NLRP11: variants seen among roughly 807,000 people sequenced by gnomAD.
NLRP11 encodes NLR family pyrin domain containing 11.
Under a neutral mutation model 79.3 loss-of-function variants are expected in NLRP11, and 53 were observed. The observed-to-expected ratio is 0.67, with a 90% CI of 0.54 to 0.84. NLRP11 has a LOEUF of 0.84. Ranked by LOEUF, NLRP11 falls within the 40% of genes least tolerant of loss-of-function variation. NLRP11 has a pLI of 0.00. For synonymous variants in NLRP11, 518 were observed against 462.6 expected (o/e 1.12, Z -1.54); for missense variants, 1,264 against 1,255.0 (o/e 1.01, Z -0.11).
chr19:55,792,174 G>T, intron 7 of NLRP11, 127 bp downstream of exon 7: 1 of 757,074 alleles, frequency 1.3e-6, no homozygotes, highest in Non-Finnish European at 2.2e-6. Context: ...ATTCTGGGGA[G>T]CCCATGCTCC....
At chr19:55,793,122 CG>C (rs1337873186) in intron 6 of NLRP11, among the ~76,000 whole-genome samples, 1 of 152,172 alleles carries the variant, frequency 6.6e-6, no homozygotes, top group Non-Finnish European at 1.5e-5. Flanking sequence ...TCAAGTGATC[CG>C]CCTGCCTTGG....
intron 1 of NLRP11, among the ~76,000 whole-genome samples, chr19:55,821,676 A>G (rs1204432982): frequency 6.9e-6 from 1 of 145,834 alleles, no homozygotes; most frequent in African/African-American, 2.6e-5. Flanking sequence ...ACCCATTAAC[A>G]TTGTTAGTGA....
chr19:55,793,425 C>T (rs116370436), intron 6 of NLRP11, among the ~76,000 whole-genome samples: 2,006 of 151,416 alleles, frequency 0.013, 52 homozygotes, highest in African/African-American at 0.047. Context: ...AAAAATTAGC[C>T]GGCATAGTGG....
chr19:55,796,089 A>G lies in NLRP11; in HGVS notation c.2333T>C (p.Ile778Thr), dbSNP rs368466673. 8.1e-5 allele frequency: 131 copies of G among 1,612,146 alleles called. 1 individual carries two copies. The highest frequency in any genetic ancestry group is 6.9e-4 in the East Asian group (31 of 44,826). The change falls in exon 6 of 10, where the codon ATA becomes ACA. Residue 778 changes from isoleucine (I) to threonine (T), a missense_variant. Transcript: ENST00000589093. ...GTCTAAGCCAACTTACACCAGTGATATAAGAGTGCAGTTGGGATGAAGCAA... is the reference window on the plus strand; with the variant it reads ...GTCTAAGCCAACTTACACCAGTGATGTAAGAGTGCAGTTGGGATGAAGCAA...
intron 1 of NLRP11, among the ~76,000 whole-genome samples, chr19:55,829,146 A>T (rs1451900920): frequency 2.6e-5 from 4 of 152,138 alleles, no homozygotes; most frequent in African/African-American, 9.7e-5. Context: ...GCCTTTTGAG[A>T]AAAGTAAGTA....
At chr19:55,792,648 G>A (rs961213547) in intron 6 of NLRP11, among the ~76,000 whole-genome samples, 177 bp from the exon 7 acceptor site, 2 of 152,178 alleles carry the variant, frequency 1.3e-5, no homozygotes, top group African/African-American at 4.8e-5. Flanking sequence ...ATAGTGCAGA[G>A]GCTGAAATAC....
chr19:55,811,533 C>T (rs543176054), intron 2 of NLRP11, among the ~76,000 whole-genome samples: 2 of 152,102 alleles, frequency 1.3e-5, no homozygotes, highest in African/African-American at 4.8e-5. Flanking sequence ...TGGCTCCCCC[C>T]CAGTGGAGAT....
At chr19:55,819,634 G>A (rs1981488675) in intron 1 of NLRP11, among the ~76,000 whole-genome samples, 1 of 152,180 alleles carries the variant, frequency 6.6e-6, no homozygotes, top group South Asian at 2.1e-4. Flanking sequence ...CTTCGACACA[G>A]AGAACAAGGG....
At chr19:55,791,895 T>G (rs1340566518) in intron 7 of NLRP11, among the ~76,000 whole-genome samples, 1 of 152,126 alleles carries the variant, frequency 6.6e-6, no homozygotes, top group African/African-American at 2.4e-5. Flanking sequence ...CCTTTTCCAA[T>G]AAAGCTATTT....
In NLRP11 at chr19:55,809,323, C is replaced by T; in HGVS notation, c.1287G>A (p.Val429=). 1.2e-6 allele frequency: 2 copies of T among 1,614,026 alleles called. No individual in the cohort carries two copies. Among genetic ancestry groups the T allele is most frequent in the Non-Finnish European group, 1.7e-6 (2 of 1,179,920 alleles). Residue 429 remains valine (V), a synonymous_variant, in exon 3 of 10, where the codon GTG becomes GTA. Transcript: ENST00000589093. This position sits in a 1 kb window ranked among gnomAD's most constrained non-coding sequence, Gnocchi z 4.5. ...GCAAAAGAATATTCGCGGCCTGCAA[C>T]ACAGAGACATCAGCCTCAGTAAACC...
chr19:55,788,082 C>A (rs1296645574), intron 9 of NLRP11, among the ~76,000 whole-genome samples: 1 of 152,128 alleles, frequency 6.6e-6, no homozygotes, highest in East Asian at 1.9e-4. Context: ...TTGGTGGTAA[C>A]ATACTTGGCA....
At chr19:55,834,409 A>G (rs1449813358), upstream of NLRP11, among the ~76,000 whole-genome samples, 1 of 152,258 alleles carries the variant, frequency 6.6e-6, no homozygotes, top group Non-Finnish European at 1.5e-5. Flanking sequence ...TATATTAATA[A>G]TCAGATAAAA....
chr19:55,790,310 C>T (rs1370145818), intron 7 of NLRP11, among the ~76,000 whole-genome samples: 1 of 152,208 alleles, frequency 6.6e-6, no homozygotes, highest in Non-Finnish European at 1.5e-5. Flanking sequence ...GCCATGGTGC[C>T]TCTGTCACAA....
chr19:55,801,778 T>A, intron 4 of NLRP11, 39 bp from the exon 5 acceptor site: 1 of 1,560,782 alleles, frequency 6.4e-7, no homozygotes, highest in South Asian at 1.1e-5. Context: ...CTAGTGAAGG[T>A]CTGAACATCT....
intron 5 of NLRP11, among the ~76,000 whole-genome samples, chr19:55,797,743 A>G (rs552311578): frequency 2.6e-5 from 4 of 152,176 alleles, no homozygotes; most frequent in Non-Finnish European, 5.9e-5. Flanking sequence ...AGAGGACAGA[A>G]GAGTCAGAAG....
chr19:55,821,655 G>A (rs1981751012), intron 1 of NLRP11, among the ~76,000 whole-genome samples: 2 of 150,524 alleles, frequency 1.3e-5, no homozygotes, highest in Non-Finnish European at 3.0e-5. Context: ...AACATTGTTA[G>A]TGATGGGAGA....
At chr19:55,789,463 T>G in intron 7 of NLRP11, 64 bp from the exon 8 acceptor site, 1 of 1,460,486 alleles carries the variant, frequency 6.8e-7, no homozygotes, top group South Asian at 1.3e-5. Flanking sequence ...TTTCACAGAG[T>G]GTTAAGCATT....
chr19:55,830,671 C>CT (rs1233584608), intron 1 of NLRP11, among the ~76,000 whole-genome samples: 1 of 149,124 alleles, frequency 6.7e-6, no homozygotes, highest in Non-Finnish European at 1.5e-5. Context: ...GGGCAAAATA[C>CT]TTTTTTTACA....
intron 4 of NLRP11, among the ~76,000 whole-genome samples, chr19:55,805,440 G>C (rs10423063): frequency 0.25 from 37,735 of 151,968 alleles, 5,629 homozygotes; most frequent in African/African-American, 0.41. Flanking sequence ...CGTATTTTCA[G>C]AGTCCTTTAC....
Sources: allele counts gnomAD v4.1 joint callset (sites outside exome capture counted in the v4.1 genomes callset), GRCh38; gene constraint gnomAD v4.1.1; non-coding constraint Gnocchi (gnomAD v3.1); transcripts MANE v1.5; gene names NCBI Gene and HGNC (gene_info 2026-07-23, HGNC 2026-07-21).